ENPP6: variants seen among roughly 807,000 people sequenced by gnomAD.
ENPP6 encodes the protein ectonucleotide pyrophosphatase/phosphodiesterase 6, also known as glycerophosphocholine cholinephosphodiesterase ENPP6.
A neutral mutation model predicts 42.0 loss-of-function variants in ENPP6; 32 were observed. That is an observed-to-expected ratio of 0.76 (90% CI 0.58 to 1.02). ENPP6 has a LOEUF of 1.02. ENPP6 is among the 50% of genes least tolerant of loss of function. The pLI is 0.00. For missense variants in ENPP6, 552 were observed against 566.8 expected (o/e 0.97, Z 0.27); for synonymous variants, 213 against 216.0 (o/e 0.99, Z 0.12).
In ENPP6 at chr4:184,184,762, G is replaced by A. The variant is rs555083115; in HGVS notation, c.242-31029C>T. Among the ~76,000 whole-genome samples the A allele has an allele frequency of 1.1e-4, 17 of 152,252 alleles. No homozygotes were observed. In the East Asian group the frequency reaches 2.9e-3, roughly 26 times the overall value. ...CCCAAAAAGGCCAAGGAATTCTGGC[G>A]GCACCAGCAGCTGGAGGACAGTCAT... is the stretch of plus-strand genomic sequence containing the variant. On this transcript the variant is annotated intron_variant, in intron 1 of 7. Transcript: ENST00000296741. This position sits in a 1 kb window ranked among gnomAD's most constrained non-coding sequence, Gnocchi z 4.7.
intron 4 of ENPP6, among the ~76,000 whole-genome samples, chr4:184,117,510 G>A (rs1460567662): frequency 2.6e-5 from 4 of 152,258 alleles, no homozygotes; most frequent in Non-Finnish European, 5.9e-5. Context: ...ACAGAGCTGG[G>A]TGTCTCTCCA....
At chr4:184,170,487 TTTTA>T (rs1207069645) in intron 1 of ENPP6, among the ~76,000 whole-genome samples, 3 of 151,612 alleles carry the variant, frequency 2.0e-5, no homozygotes, top group Non-Finnish European at 2.9e-5. Context: ...AACCCATGCA[TTTTA>T]TTTATGTTTC....
intron 2 of ENPP6, among the ~76,000 whole-genome samples, chr4:184,143,765 G>A (rs763557691): frequency 7.9e-5 from 12 of 152,212 alleles, no homozygotes; most frequent in East Asian, 5.8e-4. Flanking sequence ...ATTTCTGCGC[G>A]CCTCGCAGTG....
At chr4:184,156,111 G>A (rs1283547137) in intron 1 of ENPP6, among the ~76,000 whole-genome samples, 1 of 152,202 alleles carries the variant, frequency 6.6e-6, no homozygotes, top group African/African-American at 2.4e-5. Flanking sequence ...TTTCAAGAAG[G>A]TCACCTCAGA....
chr4:184,100,192 T>C (rs533851020), intron 6 of ENPP6, among the ~76,000 whole-genome samples: 4 of 152,344 alleles, frequency 2.6e-5, no homozygotes, highest in African/African-American at 9.6e-5. Context: ...GCGGGTCAGG[T>C]GCACAGGTAA....
intron 1 of ENPP6, among the ~76,000 whole-genome samples, chr4:184,199,904 G>C (rs1732864650): frequency 6.6e-6 from 1 of 152,156 alleles, no homozygotes; most frequent in Non-Finnish European, 1.5e-5. Context: ...CCAGCACCTA[G>C]AACACTCCCA....
At chr4:184,146,815 G>T (rs1390814868) in intron 2 of ENPP6, among the ~76,000 whole-genome samples, 1 of 152,134 alleles carries the variant, frequency 6.6e-6, no homozygotes, top group African/African-American at 2.4e-5. Context: ...AGCTCTGCTG[G>T]GGCTTCTCCT....
intron 1 of ENPP6, among the ~76,000 whole-genome samples, chr4:184,160,182 T>C (rs1921566): frequency 0.42 from 64,262 of 152,102 alleles, 14,104 homozygotes; most frequent in East Asian, 0.61. Flanking sequence ...GTGGTATTAC[T>C]GGATCAAATG....
intron 2 of ENPP6, among the ~76,000 whole-genome samples, chr4:184,138,345 A>G (rs1736765065): frequency 6.6e-6 from 1 of 152,226 alleles, no homozygotes; most frequent in Non-Finnish European, 1.5e-5. Context: ...GTGATCTATC[A>G]TCATGCATTT....
At chr4:184,108,780 C>T (rs537165242) in intron 6 of ENPP6, among the ~76,000 whole-genome samples, 1 of 152,264 alleles carries the variant, frequency 6.6e-6, no homozygotes, top group South Asian at 2.1e-4. Flanking sequence ...TATGAGTTTC[C>T]AGAGAGACAT....
intron 1 of ENPP6, among the ~76,000 whole-genome samples, chr4:184,158,303 C>T (rs1180710382): frequency 2.0e-5 from 3 of 152,072 alleles, no homozygotes; most frequent in Non-Finnish European, 2.9e-5. Flanking sequence ...TAATGGGTAT[C>T]GTAACAATTA....
At position 184,157,475 on chromosome 4, in the gene ENPP6, C is replaced by CT. The variant is rs1560995748; in HGVS notation, c.242-3743_242-3742insA. 4.0e-3 allele frequency among the ~76,000 whole-genome samples: 580 copies of CT among 145,020 alleles called. 13 individuals carry two copies. Among genetic ancestry groups the CT allele is most frequent in the Admixed American group, 0.031 (445 of 14,256 alleles). ...TTCTCTCTCTTTCTTTCCTTCCTTT[C>CT]CTTTCTTTCCTTCCTTTCCTTTCTT... On this transcript the variant is annotated intron_variant, in intron 1 of 7. Coordinates refer to ENST00000296741, the MANE Select transcript of ENPP6 (RefSeq NM_153343.4).
intron 3 of ENPP6, among the ~76,000 whole-genome samples, chr4:184,122,549 G>A (rs902872552): frequency 1.3e-5 from 2 of 152,286 alleles, no homozygotes; most frequent in South Asian, 4.1e-4. Context: ...GTGTCTCTCA[G>A]GACAGGGAAG....
intron 7 of ENPP6, among the ~76,000 whole-genome samples, chr4:184,096,205 G>A (rs1212541173): frequency 6.6e-6 from 1 of 152,234 alleles, no homozygotes; most frequent in Admixed American, 6.5e-5. Flanking sequence ...GGAAAGTAGA[G>A]TGAACGATGG....
At chr4:184,161,076 C>T (rs942760597) in intron 1 of ENPP6, among the ~76,000 whole-genome samples, 4 of 152,084 alleles carry the variant, frequency 2.6e-5, no homozygotes, top group African/African-American at 9.7e-5. Context: ...AAAGCTTCTG[C>T]ACAGCAAAGG....
intron 1 of ENPP6, among the ~76,000 whole-genome samples, chr4:184,183,638 T>C (rs1307975322): frequency 2.6e-5 from 4 of 152,226 alleles, no homozygotes; most frequent in African/African-American, 9.6e-5. Flanking sequence ...CAGGACAGTT[T>C]CAATTTAAGT....
At chr4:184,145,526 G>A (rs1239135136) in intron 2 of ENPP6, among the ~76,000 whole-genome samples, 2 of 152,200 alleles carry the variant, frequency 1.3e-5, no homozygotes, top group African/African-American at 2.4e-5. Flanking sequence ...GCTGTGATGC[G>A]ATTATTTTTG....
intron 2 of ENPP6, among the ~76,000 whole-genome samples, chr4:184,149,056 C>A (rs189095891): frequency 3.1e-4 from 47 of 152,302 alleles, no homozygotes; most frequent in Non-Finnish European, 5.9e-4. Flanking sequence ...ACCACAAAGT[C>A]TAATGCCAAA....
intron 6 of ENPP6, among the ~76,000 whole-genome samples, chr4:184,100,232 T>G (rs972209499): frequency 6.6e-6 from 1 of 152,234 alleles, no homozygotes; most frequent in East Asian, 1.9e-4. Flanking sequence ...GACTCAGCCT[T>G]CATTTCACAA....
Sources: gnomAD v4.1 joint callset for allele counts (sites outside exome capture counted in the v4.1 genomes callset) on GRCh38, gnomAD v4.1.1 for gene constraint, Gnocchi (gnomAD v3.1) non-coding constraint, MANE v1.5 for transcripts, NCBI Gene and HGNC (gene_info 2026-07-23, HGNC 2026-07-21) for gene names.